Variants in FBXO16 observed in about 807,000 individuals in gnomAD.
The protein encoded by FBXO16 is F-box only protein 16.
FBXO16 carries 31 observed loss-of-function variants against 41.0 expected under a neutral mutation model. The ratio of observed to expected loss-of-function variants is 0.76; its 90% CI spans 0.57 to 1.02. The LOEUF is 1.02. Among genes scored for constraint, FBXO16 ranks in the 50% least tolerant of loss-of-function variants. The pLI, the probability that FBXO16 is intolerant of heterozygous loss-of-function variation, is 0.00. For synonymous variants in FBXO16, 133 were observed against 117.8 expected (o/e 1.13, Z -0.84); for missense variants, 361 against 346.2 (o/e 1.04, Z -0.34).
chr8:28,476,835 T>C (rs1358177316), intron 2 of FBXO16, among the ~76,000 whole-genome samples: 1 of 152,200 alleles, frequency 6.6e-6, no homozygotes, highest in African/African-American at 2.4e-5. Flanking sequence ...GTAAAAGAAA[T>C]GTGGATCACT....
At chr8:28,478,208 A>G (rs1299605537) in intron 2 of FBXO16, among the ~76,000 whole-genome samples, 1 of 152,212 alleles carries the variant, frequency 6.6e-6, no homozygotes, top group Non-Finnish European at 1.5e-5. Context: ...ACAATAAAAT[A>G]CATATTATCT....
chr8:28,468,043 G>C (rs1326528412), intron 3 of FBXO16, among the ~76,000 whole-genome samples: 1 of 152,194 alleles, frequency 6.6e-6, no homozygotes, highest in Non-Finnish European at 1.5e-5. Flanking sequence ...GAAGGTGCTA[G>C]AAATAATCCA....
chr8:28,479,056 C>G (rs552349590), intron 2 of FBXO16, among the ~76,000 whole-genome samples: 1 of 152,112 alleles, frequency 6.6e-6, no homozygotes, highest in South Asian at 2.1e-4. Context: ...CCCTCTGCCA[C>G]GATGGAAAGC....
rs138907788 is a variant in FBXO16, at chr8:28,476,812, T to C, written c.100-3005A>G. On this transcript the variant is annotated intron_variant, in intron 2 of 8. Transcript: ENST00000380254. ...TTTTTAACATGTACTGTACAACATG[T>C]GTGAACCATACCGTAAAAGAAATGT... Among the ~76,000 whole-genome samples the C allele has an allele frequency of 4.5e-4, 69 of 152,340 alleles. 1 individual carries two copies. Among genetic ancestry groups the C allele is most frequent in the African/African-American group, 1.6e-3 (67 of 41,576 alleles).
chr8:28,473,923 T>C, intron 2 of FBXO16, 116 bp from the exon 3 acceptor site: 1 of 784,428 alleles, frequency 1.3e-6, no homozygotes, highest in South Asian at 1.7e-5. Context: ...CAACTGAATA[T>C]TAAAAGGCAG....
intron 1 of FBXO16, among the ~76,000 whole-genome samples, chr8:28,486,189 GTTGTTGTTATTTAT>G (rs1229459528): frequency 6.7e-6 from 1 of 150,136 alleles, no homozygotes; most frequent in Non-Finnish European, 1.5e-5. Flanking sequence ...ATCTGTTTTT[GTTGTTGTTATTTAT>G]TTATTTTCTA....
At chr8:28,460,246 T>TATATA (rs58128827) in intron 4 of FBXO16, among the ~76,000 whole-genome samples, 135 of 66,454 alleles carry the variant, frequency 2.0e-3, no homozygotes, top group East Asian at 3.5e-3. Context: ...TATATATATA[T>TATATA]TTTTTTTTTT....
Position 28,452,231 on chromosome 8 carries a change from T to G in FBXO16, c.740+13A>C. ...AAAAACGAAGAAGTTGAGAAGAGCATGGAGCTTCTTACCCTTGCTGGACAG... is the reference window on the plus strand; with the variant it reads ...AAAAACGAAGAAGTTGAGAAGAGCAGGGAGCTTCTTACCCTTGCTGGACAG... On this transcript the variant is annotated intron_variant, in intron 6 of 8. Coordinates refer to ENST00000380254, the MANE Select transcript of FBXO16 (RefSeq NM_172366.4). 1 of 1,606,214 alleles carries G rather than the reference T, an allele frequency of 6.2e-7. No individual in the cohort carries two copies. Among genetic ancestry groups the G allele is most frequent in the South Asian group, 1.1e-5 (1 of 90,360 alleles).
chr8:28,472,789 T>G (rs1803359919), intron 3 of FBXO16, among the ~76,000 whole-genome samples: 1 of 152,154 alleles, frequency 6.6e-6, no homozygotes, highest in African/African-American at 2.4e-5. Context: ...ATATTTCTCC[T>G]TTGACAGCTG....
At chr8:28,430,696 G>T (rs1802592591) in intron 7 of FBXO16, among the ~76,000 whole-genome samples, 1 of 152,180 alleles carries the variant, frequency 6.6e-6, no homozygotes, top group Admixed American at 6.5e-5. Context: ...GAATGGCCAG[G>T]CGCAGTGGCT....
At chr8:28,438,541 GGCTCA>G (rs763129618) in intron 7 of FBXO16, among the ~76,000 whole-genome samples, 3 of 152,080 alleles carry the variant, frequency 2.0e-5, no homozygotes, top group Non-Finnish European at 4.4e-5. Flanking sequence ...TTTCCTTGTG[GGCTCA>G]GGGTGATGGC....
intron 4 of FBXO16, among the ~76,000 whole-genome samples, chr8:28,463,144 GTGTA>G (rs1346164847): frequency 6.6e-6 from 1 of 150,720 alleles, no homozygotes; most frequent in Non-Finnish European, 1.5e-5. Context: ...TTGTGTGTGT[GTGTA>G]TGTTTGTGTG....
intron 7 of FBXO16, among the ~76,000 whole-genome samples, chr8:28,440,982 TCTC>T (rs1802763497): frequency 6.6e-6 from 1 of 152,194 alleles, no homozygotes; most frequent in Non-Finnish European, 1.5e-5. Flanking sequence ...TCAAAGCCCA[TCTC>T]CTTGTTTTCT....
intron 1 of FBXO16, among the ~76,000 whole-genome samples, chr8:28,489,934 G>A (rs1406366108): frequency 6.6e-6 from 1 of 152,140 alleles, no homozygotes; most frequent in Non-Finnish European, 1.5e-5. Flanking sequence ...ATTTCAATAC[G>A]AATTCATCTT....
chr8:28,444,055 G>T (rs997314086), intron 7 of FBXO16, among the ~76,000 whole-genome samples: 2 of 152,068 alleles, frequency 1.3e-5, no homozygotes, highest in Non-Finnish European at 2.9e-5. Context: ...TGCTTTCACT[G>T]TATGAACTTG....
intron 7 of FBXO16, among the ~76,000 whole-genome samples, chr8:28,436,507 G>A (rs1802689498): frequency 6.6e-6 from 1 of 152,188 alleles, no homozygotes; most frequent in Admixed American, 6.5e-5. Flanking sequence ...TGCAGAGGAA[G>A]GCTAAGCAAC....
Position 28,452,271 on chromosome 8 carries a change from C to T in FBXO16, c.713G>A (p.Arg238His), listed in dbSNP as rs200400597. The change falls in exon 6 of 9, where the codon CGT becomes CAT. Residue 238 changes from arginine (R) to histidine (H), a missense_variant. By Grantham distance (29) the Arg-to-His change is conservative. Transcript: ENST00000380254. The stretch of plus-strand genomic sequence containing the variant: ...TTGCTGGACAGTCTCCATGGGGTCA[C>T]GGTTGTCTAGGTAATTAAAACGAAT... The part of the protein sequence containing the change: ...DIIRFNYLDN[R>H]DPMETVQQGR... 148 of 1,613,980 alleles carry T rather than the reference C, an allele frequency of 9.2e-5. 1 individual carries two copies. The highest frequency in any genetic ancestry group is 9.9e-5 in the South Asian group (9 of 91,074).
At chr8:28,473,832 G>T (rs755415023) in intron 2 of FBXO16, 25 bp from the exon 3 acceptor site, 2 of 1,561,452 alleles carry the variant, frequency 1.3e-6, no homozygotes, top group Non-Finnish European at 1.8e-6. Context: ...AAAGAATATG[G>T]TAATTTCATA....
At chr8:28,474,352 A>AAAAAAAAAAAAAAAAAAAAAAAAAAGAG (rs1563368937) in intron 2 of FBXO16, among the ~76,000 whole-genome samples, 1 of 127,918 alleles carries the variant, frequency 7.8e-6, no homozygotes, top group African/African-American at 3.0e-5. Flanking sequence ...AAAAAAAAAA[A>AAAAAAAAAAAAAAAAAAAAAAAAAAGAG]AGAGAGAGAA....
Sources: gnomAD v4.1 joint callset for allele counts (sites outside exome capture counted in the v4.1 genomes callset) on GRCh38, gnomAD v4.1.1 for gene constraint, MANE v1.5 for transcripts, NCBI Gene and HGNC (gene_info 2026-07-23, HGNC 2026-07-21) for gene names.